The following CALN1 variants were observed in gnomAD, a reference collection of about 807,000 sequenced individuals.
The protein encoded by CALN1 is calneuron 1.
In CALN1, 17 loss-of-function variants were observed where a neutral mutation model predicts 30.6. That is an observed-to-expected ratio of 0.56 (90% CI 0.38 to 0.83). The LOEUF (loss-of-function observed/expected upper bound fraction) is 0.83. Ranked by LOEUF, CALN1 falls within the 40% of genes least tolerant of loss-of-function variation. The pLI, the probability that CALN1 is intolerant of heterozygous loss-of-function variation, is 0.00. For missense variants in CALN1, 291 were observed against 354.9 expected (o/e 0.82, Z 1.45); for synonymous variants, 156 against 131.4 (o/e 1.19, Z -1.28).
chr7:72,178,923 A>G (rs1789562800), intron 3 of CALN1, among the ~76,000 whole-genome samples: 1 of 152,160 alleles, frequency 6.6e-6, no homozygotes, highest in African/African-American at 2.4e-5. Context: ...CCGTGTTTTC[A>G]ATATTTGTGG....
chr7:72,172,564 C>T (rs554877768), intron 3 of CALN1, among the ~76,000 whole-genome samples: 6 of 152,294 alleles, frequency 3.9e-5, no homozygotes, highest in African/African-American at 1.4e-4. Flanking sequence ...CAGTCATCTA[C>T]AGAAATATAT....
intron 5 of CALN1, among the ~76,000 whole-genome samples, chr7:71,884,478 G>T (rs766113515): frequency 6.6e-6 from 1 of 151,584 alleles, no homozygotes; most frequent in Non-Finnish European, 1.5e-5. Context: ...GGCTGGGGGC[G>T]ATGATCACTG....
rs149798870 is a variant in CALN1 at position 72,099,701 on chromosome 7, C to T, written c.388+6450G>A. On this transcript the variant is annotated intron_variant, in intron 4 of 6. Transcript: ENST00000395275. ...GCAATACCCGTAGCCTACACTGATGCGTTATTTTCATGGATTTTGTACTAA... is the reference window on the plus strand; with the variant it reads ...GCAATACCCGTAGCCTACACTGATGTGTTATTTTCATGGATTTTGTACTAA... 2.3e-4 allele frequency among the ~76,000 whole-genome samples: 35 copies of T among 152,250 alleles called. No individual in the cohort carries two copies. In the East Asian group the frequency reaches 6.0e-3, roughly 26 times the overall value.
chr7:72,213,246 G>A (rs1176236555), intron 3 of CALN1, among the ~76,000 whole-genome samples: 7 of 152,294 alleles, frequency 4.6e-5, no homozygotes, highest in Middle Eastern at 3.4e-3. Context: ...CAAGTTGTCC[G>A]GGACAGTCCA....
chr7:72,322,324 T>C (rs1254593516), intron 2 of CALN1, among the ~76,000 whole-genome samples: 1 of 152,132 alleles, frequency 6.6e-6, no homozygotes, highest in African/African-American at 2.4e-5. Flanking sequence ...AGGTTTACGG[T>C]AATGTAAGCA....
At chr7:71,947,624 G>A (rs1022919431) in intron 5 of CALN1, among the ~76,000 whole-genome samples, 4 of 152,076 alleles carry the variant, frequency 2.6e-5, no homozygotes, top group African/African-American at 4.8e-5. Context: ...TTGAAATACT[G>A]TTCTCATAAT....
At chr7:72,000,724 A>AAAAC (rs143379681) in intron 5 of CALN1, among the ~76,000 whole-genome samples, 3 of 152,226 alleles carry the variant, frequency 2.0e-5, no homozygotes, top group South Asian at 2.1e-4. Context: ...CAGACAGCAC[A>AAAAC]AAACAAACAA....
At position 71,782,441 on chromosome 7, in the gene CALN1, TCAAA is replaced by T. The variant is rs1374240072; in HGVS notation, c.*5330_*5333del. 2 of 152,266 alleles carry T rather than the reference TCAAA, an allele frequency of 1.3e-5. No individual in the cohort carries two copies. The highest frequency in any genetic ancestry group is 2.4e-5 in the African/African-American group (1 of 41,440). 9.4% of individuals were successfully genotyped at this position (152,266 alleles called of 1,614,324 possible). ...AGCCAAGCAGATGTTGATACCTTGC[TCAAA>T]CAGCCTGCAGAACTGCGAGCCAAAT... On this transcript the variant is annotated 3_prime_UTR_variant, in exon 7 of 7. Coordinates refer to ENST00000395275, the MANE Select transcript of CALN1 (RefSeq NM_031468.4).
chr7:72,273,804 T>C (rs1404102241), intron 3 of CALN1, among the ~76,000 whole-genome samples: 4 of 152,074 alleles, frequency 2.6e-5, no homozygotes, highest in Non-Finnish European at 5.9e-5. Context: ...TGAGCCACTG[T>C]GCCTGGCCAA....
intron 5 of CALN1, among the ~76,000 whole-genome samples, chr7:71,992,662 C>T (rs1483872611): frequency 6.6e-6 from 1 of 152,200 alleles, no homozygotes; most frequent in Non-Finnish European, 1.5e-5. Context: ...CCAGCAAAGA[C>T]CTTAACTTTT....
intron 3 of CALN1, among the ~76,000 whole-genome samples, chr7:72,194,592 CT>C (rs1181135798): frequency 0.04 from 4,619 of 115,642 alleles, 204 homozygotes; most frequent in African/African-American, 0.14. Flanking sequence ...TAACTGGCCT[CT>C]TTTTTTTTTT....
At chr7:72,275,473 G>A (rs1468163) in intron 3 of CALN1, among the ~76,000 whole-genome samples, 51,731 of 152,020 alleles carry the variant, frequency 0.34, 10,080 homozygotes, top group Middle Eastern at 0.53. Context: ...CCAGAGCCCC[G>A]AGATGCTTGT....
chr7:71,961,556 C>T (rs10252505), intron 5 of CALN1, among the ~76,000 whole-genome samples: 58,002 of 151,998 alleles, frequency 0.38, 12,087 homozygotes, highest in African/African-American at 0.56. Context: ...TACATGAAAT[C>T]TGCAAACTTC....
chr7:71,936,967 C>T (rs143347052), intron 5 of CALN1, among the ~76,000 whole-genome samples: 2,576 of 152,176 alleles, frequency 0.017, 72 homozygotes, highest in African/African-American at 0.06. Context: ...TCATCTCCAG[C>T]CATGATTCTG....
At chr7:72,301,161 G>A (rs1732179686) in intron 2 of CALN1, among the ~76,000 whole-genome samples, 1 of 152,164 alleles carries the variant, frequency 6.6e-6, no homozygotes, top group Admixed American at 6.5e-5. Flanking sequence ...AAAGAAAGTG[G>A]AGGAGGGAGA....
chr7:72,333,005 C>G (rs1801774584), intron 2 of CALN1, among the ~76,000 whole-genome samples: 1 of 152,192 alleles, frequency 6.6e-6, no homozygotes, highest in Non-Finnish European at 1.5e-5. Context: ...CCCCCACCAT[C>G]TATCATTCTG....
At chr7:72,402,678 G>A (rs1262606129) in intron 2 of CALN1, among the ~76,000 whole-genome samples, 1 of 152,164 alleles carries the variant, frequency 6.6e-6, no homozygotes, top group Non-Finnish European at 1.5e-5. Flanking sequence ...TGGCTTGGTA[G>A]CATAGAAAAC....
intron 2 of CALN1, among the ~76,000 whole-genome samples, chr7:72,287,435 A>ATTTTTTTTTTTTT (rs71069052): frequency 1.5e-5 from 1 of 68,038 alleles, no homozygotes; most frequent in African/African-American, 6.0e-5. Flanking sequence ...CACCAAATTA[A>ATTTTTTTTTTTTT]TTTTTTTTTT....
intron 5 of CALN1, among the ~76,000 whole-genome samples, chr7:71,822,780 G>T (rs988107643): frequency 2.0e-5 from 3 of 152,068 alleles, no homozygotes; most frequent in African/African-American, 4.8e-5. Flanking sequence ...TTCAGTCTTT[G>T]TAAGTTTAAT....
Sources: allele counts gnomAD v4.1 joint callset (sites outside exome capture counted in the v4.1 genomes callset), GRCh38; gene constraint gnomAD v4.1.1; transcripts MANE v1.5; gene names NCBI Gene and HGNC (gene_info 2026-07-23, HGNC 2026-07-21).